The following SEMA6B variants were observed in gnomAD, a reference collection of about 807,000 sequenced individuals.
The protein encoded by SEMA6B is semaphorin-6B.
In SEMA6B, 47 loss-of-function variants were observed where a neutral mutation model predicts 78.6. The ratio of observed to expected loss-of-function variants is 0.60; its 90% confidence interval spans 0.47 to 0.76. SEMA6B has a LOEUF of 0.76. Ranked by LOEUF, SEMA6B falls within the 30% of genes least tolerant of loss-of-function variation. The probability of loss-of-function intolerance (pLI) is 0.00; values close to 1 mark genes in which losing one functional copy is unlikely to be tolerated. For missense variants in SEMA6B, 1,213 were observed against 1,269.9 expected, an observed-to-expected ratio of 0.96 and a Z score of 0.68; for synonymous variants, 632 against 592.2, an observed-to-expected ratio of 1.07 and a Z score of -0.98.
At position 4,555,991 on chromosome 19, in the gene SEMA6B, G is replaced by A. The variant is rs766642888; in HGVS notation, c.468C>T (p.Tyr156=). The A allele has an allele frequency of 1.9e-6, 3 of 1,613,196 alleles. No individual in the cohort carries two copies. Among genetic ancestry groups the A allele is most frequent in the East Asian group, 2.2e-5 (1 of 44,886 alleles). Residue 156 remains tyrosine (Y), a synonymous_variant, in exon 6 of 17, where the codon TAC becomes TAT. Coordinates refer to ENST00000586582, the MANE Select transcript of SEMA6B (RefSeq NM_032108.4). The surrounding 1 kb of genome is among the most constrained non-coding windows in gnomAD (Gnocchi z 6.1). ...CGCAGGGAGTCTGAAGACTCACGCT[G>A]TAGTTGGCGCACACCGGGTTGAAGG... ...SNAFNPVCAN[Y]SIDTLQPVGD...
Position 4,558,569 on chromosome 19 carries a change from T to C in SEMA6B, c.-32-80A>G. On this transcript the variant is annotated intron_variant, in intron 1 of 16. Coordinates refer to ENST00000586582, the MANE Select transcript of SEMA6B (RefSeq NM_032108.4). The surrounding 1 kb of genome is among the most constrained non-coding windows in gnomAD (Gnocchi z 5.1). Reference sequence around the variant, plus strand: ...GACGGCGGGCGAGAGCAGCAGACGCTCCTTCAAATCCCAGAAAAATTCCTC... The same window carrying C: ...GACGGCGGGCGAGAGCAGCAGACGCCCCTTCAAATCCCAGAAAAATTCCTC... The C allele has an allele frequency of 2.3e-6, 2 of 867,598 alleles. No homozygotes were observed. The highest frequency in any genetic ancestry group is 3.1e-6 in the Non-Finnish European group (2 of 655,442). The allele number at this position is 867,598 out of a possible 1,614,324, so 53.7% of individuals were successfully genotyped here.
chr19:4,558,598 G>A lies in SEMA6B; in HGVS notation c.-32-109C>T, dbSNP rs1977539931. 1.9e-6 allele frequency: 1 copy of A among 528,766 alleles called. No homozygotes were observed. The highest frequency in any genetic ancestry group is 4.4e-5 in the Admixed American group (1 of 22,790). 32.8% of individuals were successfully genotyped at this position (528,766 alleles called of 1,614,324 possible). A position where few individuals can be genotyped will look rare whatever the true frequency, so the allele number is the denominator to read the frequency against. ...TCAAATCCCAGAAAAATTCCTCACG[G>A]GGATAATAATTAATAAAAACAATAA... On this transcript the variant is annotated intron_variant, in intron 1 of 16. Transcript: ENST00000586582. The surrounding 1 kb of genome is among the most constrained non-coding windows in gnomAD (Gnocchi z 5.1).
rs771072992 is a variant in SEMA6B, at chr19:4,543,123, GGCACGCACAC to G, written c.*468_*477del. 172 of 621,448 alleles carry G rather than the reference GGCACGCACAC, an allele frequency of 2.8e-4. No homozygotes were observed. Among genetic ancestry groups the G allele is most frequent in the Non-Finnish European group, 4.6e-4 (159 of 344,872 alleles). The allele number at this position is 621,448 out of a possible 1,614,324, so 38.5% of individuals were successfully genotyped here. A position where few individuals can be genotyped will look rare whatever the true frequency, so the allele number is the denominator to read the frequency against. The stretch of plus-strand genomic sequence containing the variant: ...TCCCCGGCCCCTTGCACACGAACAC[GGCACGCACAC>G]GCACGCACACCCACACACGCCAGGG... On this transcript the variant is annotated 3_prime_UTR_variant, in exon 17 of 17. Transcript: ENST00000586582.
rs1221468461 is a variant in SEMA6B, at chr19:4,543,734, C to T, written c.2534G>A (p.Arg845His). The change falls in exon 17 of 17, where the codon CGC (arginine) becomes CAC (histidine). Residue 845 changes from arginine to histidine, a missense_variant. Coordinates refer to ENST00000586582, the MANE Select transcript of SEMA6B (RefSeq NM_032108.4). ...CTCGCCGCTGTTGAACGTGTGGGTG[C>T]GGCGCAGGGTGGCGGCCGGAGGGGC... ...PHAPPAATLR[R>H]THTFNSGEAR... 8.1e-7 allele frequency: 1 copy of T among 1,228,042 alleles called. No individual in the cohort carries two copies. The highest frequency in any genetic ancestry group is 1.0e-6 in the Non-Finnish European group (1 of 985,596). The allele number at this position is 1,228,042 out of a possible 1,614,324, so 76.1% of individuals were successfully genotyped here.
chr19:4,555,988 G>A lies in SEMA6B; in HGVS notation c.471C>T (p.Ser157=). The part of the protein sequence containing the change: ...NAFNPVCANY[S]IDTLQPVGDN... ...GGGCGCAGGGAGTCTGAAGACTCAC[G>A]CTGTAGTTGGCGCACACCGGGTTGA... The change falls in exon 6 of 17, where the codon AGC becomes AGT. Residue 157 remains serine, a splice_region_variant and synonymous_variant. Transcript: ENST00000586582. The surrounding 1 kb of genome is among the most constrained non-coding windows in gnomAD (Gnocchi z 6.1). The A allele has an allele frequency of 1.2e-6, 2 of 1,612,546 alleles. No homozygotes were observed. Among genetic ancestry groups the A allele is most frequent in the East Asian group, 2.2e-5 (1 of 44,890 alleles).
Position 4,558,369 on chromosome 19 carries a change from T to C in SEMA6B, c.89A>G (p.Glu30Gly), listed in dbSNP as rs1444306508. Residue 30 changes from glutamate to glycine, a missense_variant, in exon 2 of 17, where the codon GAG becomes GGG. Coordinates refer to ENST00000586582, the MANE Select transcript of SEMA6B (RefSeq NM_032108.4). This position sits in a 1 kb window ranked among gnomAD's most constrained non-coding sequence, Gnocchi z 5.1. ...LGGAHGLFPEEPPPLSVAPRD... is the reference protein window; with the variant it reads ...LGGAHGLFPEGPPPLSVAPRD... The stretch of plus-strand genomic sequence containing the variant: ...GGGGGCCACGCTAAGCGGCGGCGGC[T>C]CCTCAGGAAAGAGGCCGTGGGCGCC... 5 of 1,289,534 alleles carry C rather than the reference T, an allele frequency of 3.9e-6. No homozygotes were observed. The highest frequency in any genetic ancestry group is 4.9e-6 in the Non-Finnish European group (5 of 1,010,158). 79.9% of individuals were successfully genotyped at this position (1,289,534 alleles called of 1,614,324 possible).
rs2145351510 is a variant in SEMA6B, at chr19:4,550,455, C to T, written c.1122-183G>A. 6.6e-6 allele frequency among the ~76,000 whole-genome samples: 1 copy of T among 152,226 alleles called. No homozygotes were observed. Among genetic ancestry groups the T allele is most frequent in the East Asian group, 1.9e-4 (1 of 5,172 alleles). ...TTTGGCTCACTGCAACCTCCACCTCCTGGGTTCAAGCGATTCTCCTGCTTC... is the reference window on the plus strand; with the variant it reads ...TTTGGCTCACTGCAACCTCCACCTCTTGGGTTCAAGCGATTCTCCTGCTTC... On this transcript the variant is annotated intron_variant, in intron 11 of 16. Coordinates refer to ENST00000586582, the MANE Select transcript of SEMA6B (RefSeq NM_032108.4). This position sits in a 1 kb window ranked among gnomAD's most constrained non-coding sequence, Gnocchi z 6.6.
Position 4,550,923 on chromosome 19 carries a change from C to G in SEMA6B, c.997G>C (p.Gly333Arg). 1 of 1,613,592 alleles carries G rather than the reference C, an allele frequency of 6.2e-7. No homozygotes were observed. Among genetic ancestry groups the G allele is most frequent in the Non-Finnish European group, 8.5e-7 (1 of 1,179,978 alleles). ...VFSTPSNSIPGSAVCAFDLTQ... is the reference protein window; with the variant it reads ...VFSTPSNSIPRSAVCAFDLTQ... ...AGGTCAAAGGCGCAGACAGCCGAGCCAGGGATGCTGAGGGGTTGGGATGAA... is the reference window on the plus strand; with the variant it reads ...AGGTCAAAGGCGCAGACAGCCGAGCGAGGGATGCTGAGGGGTTGGGATGAA... Residue 333 changes from glycine (G) to arginine (R), a missense_variant, in exon 11 of 17, where the codon GGC (glycine) becomes CGC (arginine). Physicochemically the swap from Gly to Arg is moderately radical, Grantham distance 125 (BLOSUM62 -2). Transcript: ENST00000586582. The surrounding 1 kb of genome is among the most constrained non-coding windows in gnomAD (Gnocchi z 6.6).
Position 4,552,416 on chromosome 19 carries a change from G to A in SEMA6B, c.989+6C>T, listed in dbSNP as rs368404822. ...TCCCAGTTTGCTCCCATTGGTGGGC[G>A]CTGACCTGTTGCTGGGCGTGGAAAA... On this transcript the variant is annotated splice_donor_region_variant and intron_variant, in intron 10 of 16. Coordinates refer to ENST00000586582, the MANE Select transcript of SEMA6B (RefSeq NM_032108.4). The surrounding 1 kb of genome is among the most constrained non-coding windows in gnomAD (Gnocchi z 7.4). 63 of 1,567,644 alleles carry A rather than the reference G, an allele frequency of 4.0e-5. No individual in the cohort carries two copies. Among genetic ancestry groups the A allele is most frequent in the Non-Finnish European group, 4.7e-5 (54 of 1,156,558 alleles).
In SEMA6B at chr19:4,543,846, A is replaced by G; in HGVS notation, c.2422T>C (p.Leu808=). 8.3e-7 allele frequency: 1 copy of G among 1,210,282 alleles called. No individual in the cohort carries two copies. The highest frequency in any genetic ancestry group is 1.0e-6 in the Non-Finnish European group (1 of 974,840). The allele number at this position is 1,210,282 out of a possible 1,614,324, so 75.0% of individuals were successfully genotyped here. A position where few individuals can be genotyped will look rare whatever the true frequency, so the allele number is the denominator to read the frequency against. Residue 808 remains leucine, a synonymous_variant, in exon 17 of 17, where the codon TTG becomes CTG. Coordinates refer to ENST00000586582, the MANE Select transcript of SEMA6B (RefSeq NM_032108.4). ...CCATCGGCGGCTGAGGCTGGGTCCA[A>G]GGGGCCCGTGGGCGCGGACACCACC... is the stretch of plus-strand genomic sequence containing the variant. ...RRVVSAPTGP[L]DPASAADGLP...
In SEMA6B at chr19:4,558,542, AAGACGGCGGGCGAG is replaced by A; in HGVS notation, c.-32-67_-32-54del. On this transcript the variant is annotated intron_variant, in intron 1 of 16. Coordinates refer to ENST00000586582, the MANE Select transcript of SEMA6B (RefSeq NM_032108.4). This position sits in a 1 kb window ranked among gnomAD's most constrained non-coding sequence, Gnocchi z 5.1. ...GGCCTGCAGTCCCGCTCGTGGCCAC[AAGACGGCGGGCGAG>A]AGCAGCAGACGCTCCTTCAAATCCC... 8.5e-7 allele frequency: 1 copy of A among 1,180,008 alleles called. No homozygotes were observed. Among genetic ancestry groups the A allele is most frequent in the Non-Finnish European group, 1.1e-6 (1 of 940,340 alleles). The allele number at this position is 1,180,008 out of a possible 1,614,324, so 73.1% of individuals were successfully genotyped here. A position where few individuals can be genotyped will look rare whatever the true frequency, so the allele number is the denominator to read the frequency against.
At chr19:4,549,842 G>A (rs1427406345) in intron 12 of SEMA6B, among the ~76,000 whole-genome samples, 1 of 151,318 alleles carries the variant, frequency 6.6e-6, no homozygotes, top group African/African-American at 2.4e-5. Context: ...CGAATTCCTG[G>A]CCTTAGGTGA....
intron 4 of SEMA6B, 58 bp from the exon 5 acceptor site, chr19:4,557,071 C>T (rs1731244452): frequency 6.3e-7 from 1 of 1,595,596 alleles, no homozygotes; most frequent in African/African-American, 1.3e-5. Flanking sequence ...TGAGTGACCC[C>T]GCCGTGCTGG....
intron 14 of SEMA6B, among the ~76,000 whole-genome samples, chr19:4,546,694 G>C (rs1008230744): frequency 1.3e-5 from 2 of 151,160 alleles, no homozygotes; most frequent in African/African-American, 4.9e-5. Flanking sequence ...GCGGGATTTT[G>C]GTTCACTGCA....
Position 4,543,725 on chromosome 19 carries a change from G to A in SEMA6B, c.2543C>T (p.Thr848Met). The A allele has an allele frequency of 1.6e-6, 2 of 1,228,732 alleles. No homozygotes were observed. The highest frequency in any genetic ancestry group is 2.0e-6 in the Non-Finnish European group (2 of 985,998). The allele number at this position is 1,228,732 out of a possible 1,614,324, so 76.1% of individuals were successfully genotyped here. ...AGGCCGGGCCTCGCCGCTGTTGAAC[G>A]TGTGGGTGCGGCGCAGGGTGGCGGC... ...PPAATLRRTHTFNSGEARPGD... is the reference protein window; with the variant it reads ...PPAATLRRTHMFNSGEARPGD... The change falls in exon 17 of 17, where the codon ACG becomes ATG. Residue 848 changes from threonine to methionine, a missense_variant. Physicochemically the swap from Thr to Met is moderately conservative, Grantham distance 81. Transcript: ENST00000586582.
chr19:4,551,920 A>G (rs1295074668), intron 10 of SEMA6B, among the ~76,000 whole-genome samples: 2 of 152,012 alleles, frequency 1.3e-5, no homozygotes, highest in Admixed American at 1.3e-4. Context: ...ATGGCTCCCC[A>G]GTGCTCTCAG....
chr19:4,558,475 A>T lies in SEMA6B; in HGVS notation c.-18T>A, dbSNP rs937888388. 3 of 1,239,606 alleles carry T rather than the reference A, an allele frequency of 2.4e-6. No homozygotes were observed. The East Asian group carries it at 9.4e-5, about 39-fold the overall frequency. The allele number at this position is 1,239,606 out of a possible 1,614,324, so 76.8% of individuals were successfully genotyped here. ...GTCTGCATGGCGAGGGCCAGGCGAC[A>T]GGAGGAGGTGACGCCTGCGGGCAAG... On this transcript the variant is annotated 5_prime_UTR_variant, in exon 2 of 17. Coordinates refer to ENST00000586582, the MANE Select transcript of SEMA6B (RefSeq NM_032108.4). This position sits in a 1 kb window ranked among gnomAD's most constrained non-coding sequence, Gnocchi z 5.1.
Position 4,550,209 on chromosome 19 carries a change from G to A in SEMA6B, c.1185C>T (p.Ile395=), listed in dbSNP as rs200774196. The change falls in exon 12 of 17, where the codon ATC becomes ATT. Residue 395 remains isoleucine, a synonymous_variant. Coordinates refer to ENST00000586582, the MANE Select transcript of SEMA6B (RefSeq NM_032108.4). The surrounding 1 kb of genome is among the most constrained non-coding windows in gnomAD (Gnocchi z 6.6). ...GAGGGTGGGTCTTGACAAAGTTGAG[G>A]ATGTCATCCGGCAAGGCGCTGGAGG... The part of the protein sequence containing the change: ...YNASSALPDD[I]LNFVKTHPLM... 5 of 1,612,768 alleles carry A rather than the reference G, an allele frequency of 3.1e-6. No individual in the cohort carries two copies. In the East Asian group the frequency reaches 8.9e-5, roughly 29 times the overall value.
chr19:4,555,837 C>G lies in SEMA6B; in HGVS notation c.471+151G>C, dbSNP rs1407946176. The G allele has an allele frequency of 1.4e-6, 1 of 716,356 alleles. No individual in the cohort carries two copies. The highest frequency in any genetic ancestry group is 1.7e-5 in the African/African-American group (1 of 57,272). The allele number at this position is 716,356 out of a possible 1,614,324, so 44.4% of individuals were successfully genotyped here. A position where few individuals can be genotyped will look rare whatever the true frequency, so the allele number is the denominator to read the frequency against. ...CCTCGTTTGGACAGCGCTGACTCCT[C>G]TTGAGCTCAGGGGGAGGAGGCAGGG... On this transcript the variant is annotated intron_variant, in intron 6 of 16. Coordinates refer to ENST00000586582, the MANE Select transcript of SEMA6B (RefSeq NM_032108.4). The surrounding 1 kb of genome is among the most constrained non-coding windows in gnomAD (Gnocchi z 6.1).
Sources: gnomAD v4.1 joint callset for allele counts (sites outside exome capture counted in the v4.1 genomes callset) on GRCh38, gnomAD v4.1.1 for gene constraint, Gnocchi (gnomAD v3.1) non-coding constraint, MANE v1.5 for transcripts, NCBI Gene and HGNC (gene_info 2026-07-23, HGNC 2026-07-21) for gene names.